Variants in HCRTR1 observed in about 807,000 individuals in gnomAD.
HCRTR1 encodes the protein hypocretin receptor 1, also known as orexin/Hypocretin receptor type 1.
HCRTR1 carries 28 observed loss-of-function variants against 40.6 expected under a neutral mutation model. That is an observed-to-expected ratio of 0.69 (90% confidence interval 0.51 to 0.95). The LOEUF is 0.95. HCRTR1 is among the 40% of genes least tolerant of loss of function. HCRTR1 has a pLI of 0.00. For missense variants in HCRTR1, 482 were observed against 564.7 expected (o/e 0.85, Z 1.48); for synonymous variants, 209 against 230.0 (o/e 0.91, Z 0.83).
At position 31,625,170 on chromosome 1, in the gene HCRTR1, A is replaced by G; in HGVS notation, c.1087+52A>G. The G allele has an allele frequency of 2.6e-6, 4 of 1,527,510 alleles. No homozygotes were observed. Among genetic ancestry groups the G allele is most frequent in the Non-Finnish European group, 2.7e-6 (3 of 1,128,988 alleles). 94.6% of individuals were successfully genotyped at this position (1,527,510 alleles called of 1,614,324 possible). On this transcript the variant is annotated intron_variant, in intron 8 of 8. Coordinates refer to ENST00000403528, the MANE Select transcript of HCRTR1 (RefSeq NM_001525.3). This position sits in a 1 kb window ranked among gnomAD's most constrained non-coding sequence, Gnocchi z 4.2. ...CTGAGGGTGGCCAACAGTCCACATG[A>G]CAAGTCTCCCCATCCCCAAGCCAGG...
At position 31,620,949 on chromosome 1, in the gene HCRTR1, G is replaced by A. The variant is rs200191728; in HGVS notation, c.485G>A (p.Arg162His). The A allele has an allele frequency of 6.2e-6, 10 of 1,613,962 alleles. No homozygotes were observed. Among genetic ancestry groups the A allele is most frequent in the African/African-American group, 1.3e-5 (1 of 74,936 alleles). The change falls in exon 5 of 9, where the codon CGT becomes CAT. Residue 162 changes from arginine (R) to histidine (H), a missense_variant. Coordinates refer to ENST00000403528, the MANE Select transcript of HCRTR1 (RefSeq NM_001525.3). ...LLFKSTARRA[R>H]GSILGIWAVS... Reference sequence around the variant, plus strand: ...TTCAAGAGCACAGCCCGGCGGGCCCGTGGCTCCATCCTGGGCATCTGGGCT... The same window carrying A: ...TTCAAGAGCACAGCCCGGCGGGCCCATGGCTCCATCCTGGGCATCTGGGCT...
rs1570245433 is a variant in HCRTR1, at chr1:31,619,065, A to C, written c.-128A>C. The C allele has an allele frequency of 1.5e-6, 1 of 674,048 alleles. No homozygotes were observed. The highest frequency in any genetic ancestry group is 2.5e-6 in the Non-Finnish European group (1 of 401,844). 41.8% of individuals were successfully genotyped at this position (674,048 alleles called of 1,614,324 possible). A position where few individuals can be genotyped will look rare whatever the true frequency, so the allele number is the denominator to read the frequency against. On this transcript the variant is annotated 5_prime_UTR_variant, in exon 3 of 9. Transcript: ENST00000403528. ...CCTCCCTTCAGGAAGTTTGAGGCTGAGACCCGAAAAGACCTGGGTGCAAGC... is the reference window on the plus strand; with the variant it reads ...CCTCCCTTCAGGAAGTTTGAGGCTGCGACCCGAAAAGACCTGGGTGCAAGC...
downstream of HCRTR1, chr1:31,633,456 T>G: frequency 1.1e-6 from 1 of 915,406 alleles, no homozygotes; most frequent in Non-Finnish European, 1.6e-6. Context: ...ATTCTTACTC[T>G]GATGGAAGAG....
At chr1:31,633,072 A>G (rs1245843033), downstream of HCRTR1, 1 of 1,443,544 alleles carries the variant, frequency 6.9e-7, no homozygotes, top group Non-Finnish European at 9.4e-7. Context: ...TTCTCTTCAG[A>G]ATGTCCACCC....
intron 5 of HCRTR1, 94 bp downstream of exon 5, chr1:31,621,180 G>A (rs369972510): frequency 7.5e-6 from 11 of 1,470,450 alleles, no homozygotes; most frequent in African/African-American, 5.6e-5. Flanking sequence ...CCCTTCCAAA[G>A]TGGGAAATCC....
downstream of HCRTR1, chr1:31,633,309 C>T (rs140595911): frequency 2.6e-3 from 4,227 of 1,610,598 alleles, 23 homozygotes; most frequent in South Asian, 0.012. Flanking sequence ...TTGGGAGGGG[C>T]GCCACCTGGA....
chr1:31,620,048 G>A (rs1324606005), intron 4 of HCRTR1, among the ~76,000 whole-genome samples: 1 of 152,218 alleles, frequency 6.6e-6, no homozygotes, highest in African/African-American at 2.4e-5. Context: ...GACACCCTAG[G>A]CCTGCTCCCC....
At chr1:31,621,619 G>T in intron 6 of HCRTR1, 27 bp downstream of exon 6, 1 of 1,534,152 alleles carries the variant, frequency 6.5e-7, no homozygotes. Context: ...GCAGGGGCTA[G>T]GCCAGTCACT....
chr1:31,632,002 T>C (rs1419628491), downstream of HCRTR1, among the ~76,000 whole-genome samples: 3 of 152,178 alleles, frequency 2.0e-5, no homozygotes, highest in Non-Finnish European at 4.4e-5. Context: ...GAACCAGACC[T>C]GGGGCTGTGG....
chr1:31,619,247 G>C lies in HCRTR1; in HGVS notation c.55G>C (p.Glu19Gln). 6.2e-7 allele frequency: 1 copy of C among 1,613,822 alleles called. No homozygotes were observed. Among genetic ancestry groups the C allele is most frequent in the Non-Finnish European group, 8.5e-7 (1 of 1,180,022 alleles). The change falls in exon 3 of 9, where the codon GAG (glutamate) becomes CAG (glutamine). Residue 19 changes from glutamate (E) to glutamine (Q), a missense_variant. Physicochemically the swap from Glu to Gln is conservative, Grantham distance 29 (BLOSUM62 2). Coordinates refer to ENST00000403528, the MANE Select transcript of HCRTR1 (RefSeq NM_001525.3). ...AQMGVPPGSR[E>Q]PSPVPPDYED... ...GATGGGGGTCCCCCCTGGCAGCAGAGAGCCGTCCCCTGTGCCTCCAGACTA... is the reference window on the plus strand; with the variant it reads ...GATGGGGGTCCCCCCTGGCAGCAGACAGCCGTCCCCTGTGCCTCCAGACTA...
In HCRTR1 at chr1:31,627,328, C is replaced by T; in HGVS notation, c.*348C>T. On this transcript the variant is annotated 3_prime_UTR_variant, in exon 9 of 9. Transcript: ENST00000403528. ...CCTTTCCTACCCAATTACAGGCCTTCCCTGGAGTCTGCTCTAAAGGTCCCA... is the reference window on the plus strand; with the variant it reads ...CCTTTCCTACCCAATTACAGGCCTTTCCTGGAGTCTGCTCTAAAGGTCCCA... The T allele has an allele frequency of 7.6e-7, 1 of 1,321,230 alleles. No homozygotes were observed. Among genetic ancestry groups the T allele is most frequent in the Non-Finnish European group, 9.9e-7 (1 of 1,009,904 alleles). The allele number at this position is 1,321,230 out of a possible 1,614,324, so 81.8% of individuals were successfully genotyped here.
Position 31,621,503 on chromosome 1 carries a change from A to C in HCRTR1, c.649A>C (p.Ser217Arg). Residue 217 changes from serine (S) to arginine (R), a missense_variant, in exon 6 of 9, where the codon AGT becomes CGT. Coordinates refer to ENST00000403528, the MANE Select transcript of HCRTR1 (RefSeq NM_001525.3). ...ADDLYPKIYH[S>R]CFFIVTYLAP... ...TGACCTCTATCCCAAGATCTACCAC[A>C]GTTGCTTCTTTATTGTCACCTACCT... The C allele has an allele frequency of 6.2e-7, 1 of 1,613,928 alleles. No individual in the cohort carries two copies. The highest frequency in any genetic ancestry group is 8.5e-7 in the Non-Finnish European group (1 of 1,179,802).
rs1369574616 is a variant in HCRTR1, at chr1:31,623,570, A to G, written c.786A>G (p.Ser262=). 6.2e-7 allele frequency: 1 copy of G among 1,613,508 alleles called. No individual in the cohort carries two copies. Among genetic ancestry groups the G allele is most frequent in the Non-Finnish European group, 8.5e-7 (1 of 1,179,994 alleles). Residue 262 remains serine, a synonymous_variant, in exon 7 of 9, where the codon TCA becomes TCG. Transcript: ENST00000403528. Reference sequence around the variant, plus strand: ...TGGTGCGGAACTGGAAGCGCCCCTCAGACCAGCTGGGGGACCTGGAGCAGG... The same window carrying G: ...TGGTGCGGAACTGGAAGCGCCCCTCGGACCAGCTGGGGGACCTGGAGCAGG... ...SALVRNWKRP[S]DQLGDLEQGL...
downstream of HCRTR1, chr1:31,632,710 T>G (rs981719456): frequency 1.2e-4 from 186 of 1,533,748 alleles, no homozygotes; most frequent in Middle Eastern, 2.3e-4. Flanking sequence ...TCAGGACCCA[T>G]TGAGGCAGCC....
At chr1:31,619,813 G>C (rs1323417133) in intron 4 of HCRTR1, 103 bp downstream of exon 4, 1 of 1,097,738 alleles carries the variant, frequency 9.1e-7, no homozygotes, top group East Asian at 2.5e-5. Context: ...TTTCAGACAG[G>C]TCAGTGGCTC....
chr1:31,620,719 C>G (rs1639834012), intron 4 of HCRTR1, 124 bp from the exon 5 acceptor site: 1 of 1,258,052 alleles, frequency 7.9e-7, no homozygotes, highest in African/African-American at 1.5e-5. Context: ...CACATTTACA[C>G]AGCCAGTAAG....
intron 7 of HCRTR1, 147 bp from the exon 8 acceptor site, chr1:31,624,850 A>C (rs1639939215): frequency 1.2e-6 from 1 of 810,030 alleles, no homozygotes; most frequent in Non-Finnish European, 1.8e-6. Context: ...CCTGGCCAAG[A>C]CCTCAGGTAC....
At chr1:31,630,643 G>A (rs750792106), downstream of HCRTR1, 7 of 1,612,698 alleles carry the variant, frequency 4.3e-6, no homozygotes, top group South Asian at 3.3e-5. Flanking sequence ...TCATGGTGAC[G>A]AAGTCCTCGA....
intron 3 of HCRTR1, 45 bp downstream of exon 3, chr1:31,619,436 G>T: frequency 6.2e-7 from 1 of 1,612,690 alleles, no homozygotes. Context: ...TTTCCCTGGG[G>T]ATTGAAGGGG....
Sources: gnomAD v4.1 joint callset for allele counts (sites outside exome capture counted in the v4.1 genomes callset) on GRCh38, gnomAD v4.1.1 for gene constraint, Gnocchi (gnomAD v3.1) non-coding constraint, MANE v1.5 for transcripts, NCBI Gene and HGNC (gene_info 2026-07-23, HGNC 2026-07-21) for gene names.